Variants in ANKS1B observed in about 807,000 individuals in gnomAD.
The protein encoded by ANKS1B is ankyrin repeat and sterile alpha motif domain-containing protein 1B.
A neutral mutation model predicts 148.3 loss-of-function variants in ANKS1B; 36 were observed. That is an observed-to-expected ratio of 0.24 (90% CI 0.19 to 0.32). The LOEUF is 0.32. Ranked by LOEUF, ANKS1B falls within the 10% of genes least tolerant of loss-of-function variation. ANKS1B has a pLI of 1.00. For missense variants in ANKS1B, 1,157 were observed against 1,542.6 expected (o/e 0.75, Z 4.19); for synonymous variants, 542 against 560.8 (o/e 0.97, Z 0.47).
chr12:99,717,998 G>A (rs1271064579), intron 8 of ANKS1B, among the ~76,000 whole-genome samples: 1 of 146,710 alleles, frequency 6.8e-6, no homozygotes, highest in African/African-American at 2.5e-5. Flanking sequence ...CCGCCTCCCG[G>A]GTTCACGCCA....
At chr12:99,229,346 T>C (rs1047199716) in intron 14 of ANKS1B, among the ~76,000 whole-genome samples, 5 of 151,946 alleles carry the variant, frequency 3.3e-5, no homozygotes, top group African/African-American at 1.2e-4. Context: ...GGTCATTTGA[T>C]TTGATTCTAT....
At chr12:98,998,146 A>G (rs1285951401) in intron 17 of ANKS1B, among the ~76,000 whole-genome samples, 1 of 152,170 alleles carries the variant, frequency 6.6e-6, no homozygotes, top group African/African-American at 2.4e-5. Context: ...TGTGTCTGGC[A>G]CTGTGGGAAT....
In ANKS1B at chr12:99,326,394, C is replaced by T. The variant is rs548448075; in HGVS notation, c.1756+73237G>A. ...AGCTTCACCAGAGAGTACTCCTCCA[C>T]CACAACAATGCTTCAGCTCACTCCT... On this transcript the variant is annotated intron_variant, in intron 12 of 26. Coordinates refer to ENST00000683438, the MANE Select transcript of ANKS1B (RefSeq NM_001352186.2). Among the ~76,000 whole-genome samples the T allele has an allele frequency of 6.6e-5, 10 of 152,176 alleles. No individual in the cohort carries two copies. In the South Asian group the frequency reaches 2.1e-3, roughly 32 times the overall value.
chr12:98,737,210 C>CTCA (rs2097777898), intron 9 of ANKS1B, among the ~76,000 whole-genome samples: 1 of 152,202 alleles, frequency 6.6e-6, no homozygotes, highest in African/African-American at 2.4e-5. Context: ...TTCCAGAGCA[C>CTCA]TCATCTGAAT....
At chr12:99,448,044 G>C (rs1434562822) in intron 10 of ANKS1B, among the ~76,000 whole-genome samples, 1 of 152,012 alleles carries the variant, frequency 6.6e-6, no homozygotes, top group African/African-American at 2.4e-5. Flanking sequence ...ATAGTATGGA[G>C]TTCCTCAAAA....
chr12:99,009,786 C>T (rs2099938191), intron 17 of ANKS1B, among the ~76,000 whole-genome samples: 1 of 151,648 alleles, frequency 6.6e-6, no homozygotes, highest in African/African-American at 2.4e-5. Flanking sequence ...TAATTAGCTC[C>T]CTGGTTCTTA....
intron 14 of ANKS1B, among the ~76,000 whole-genome samples, chr12:99,232,118 A>C (rs2153952867): frequency 6.6e-6 from 1 of 152,272 alleles, no homozygotes; most frequent in South Asian, 2.1e-4. Flanking sequence ...CACTGATTTC[A>C]GAGCTATGTA....
intron 12 of ANKS1B, among the ~76,000 whole-genome samples, chr12:99,267,305 A>T (rs1237524227): frequency 6.6e-6 from 1 of 152,178 alleles, no homozygotes; most frequent in Non-Finnish European, 1.5e-5. Flanking sequence ...AGCCTGACTC[A>T]CAACACAGGG....
At chr12:99,709,521 G>T (rs80171459) in intron 8 of ANKS1B, among the ~76,000 whole-genome samples, 1 of 152,054 alleles carries the variant, frequency 6.6e-6, no homozygotes, top group African/African-American at 2.4e-5. Flanking sequence ...GATGCTGCAG[G>T]TATTAAAAGA....
chr12:98,970,567 T>G (rs1464828556), intron 17 of ANKS1B, among the ~76,000 whole-genome samples: 2 of 152,224 alleles, frequency 1.3e-5, no homozygotes, highest in Non-Finnish European at 2.9e-5. Flanking sequence ...GTGTGTCAAC[T>G]TTTCTGTACT....
chr12:99,898,816 C>T (rs1254144877), intron 1 of ANKS1B, among the ~76,000 whole-genome samples: 2 of 152,206 alleles, frequency 1.3e-5, no homozygotes, highest in South Asian at 4.2e-4. Flanking sequence ...GCCTGAAAGA[C>T]TGTAACAAGA....
chr12:98,808,194 T>G (rs948031053), intron 19 of ANKS1B, among the ~76,000 whole-genome samples: 4 of 152,216 alleles, frequency 2.6e-5, no homozygotes, highest in African/African-American at 9.6e-5. Context: ...GCAAACTGTA[T>G]TTTATATTTG....
chr12:99,969,798 T>C (rs2095536342), intron 1 of ANKS1B, among the ~76,000 whole-genome samples: 1 of 152,190 alleles, frequency 6.6e-6, no homozygotes, highest in Non-Finnish European at 1.5e-5. Flanking sequence ...TACAGCACAA[T>C]TGAAAGATAT....
chr12:99,107,550 A>G (rs1240513276), intron 15 of ANKS1B, among the ~76,000 whole-genome samples: 1 of 152,230 alleles, frequency 6.6e-6, no homozygotes, highest in Non-Finnish European at 1.5e-5. Flanking sequence ...AGTAGAGGAT[A>G]ATGAGAACAG....
intron 11 of ANKS1B, among the ~76,000 whole-genome samples, chr12:99,442,571 T>C (rs2095566760): frequency 6.6e-6 from 1 of 151,916 alleles, no homozygotes; most frequent in Admixed American, 6.6e-5. Context: ...GTGCCAGTGA[T>C]GTTATCTATA....
intron 8 of ANKS1B, among the ~76,000 whole-genome samples, chr12:99,702,579 A>G (rs923959024): frequency 2.0e-4 from 30 of 151,888 alleles, no homozygotes; most frequent in African/African-American, 7.0e-4. Flanking sequence ...GTCTTGCTCT[A>G]TCGCTCAGGC....
At chr12:98,923,502 C>T (rs1344109068) in intron 17 of ANKS1B, among the ~76,000 whole-genome samples, 1 of 152,044 alleles carries the variant, frequency 6.6e-6, no homozygotes, top group Non-Finnish European at 1.5e-5. Context: ...GTTGATGAAC[C>T]CGAAGTTCCC....
chr12:99,913,212 A>T (rs1250639105), intron 1 of ANKS1B, among the ~76,000 whole-genome samples: 1 of 152,232 alleles, frequency 6.6e-6, no homozygotes, highest in Non-Finnish European at 1.5e-5. Context: ...TTACTAATTG[A>T]TATTCTGCCT....
intron 14 of ANKS1B, among the ~76,000 whole-genome samples, chr12:99,228,833 C>T (rs2086374665): frequency 6.6e-6 from 1 of 151,898 alleles, no homozygotes; most frequent in Non-Finnish European, 1.5e-5. Flanking sequence ...CATATATTCA[C>T]AAACAGTATT....
Sources: gnomAD v4.1 joint callset for allele counts (sites outside exome capture counted in the v4.1 genomes callset) on GRCh38, gnomAD v4.1.1 for gene constraint, MANE v1.5 for transcripts, NCBI Gene and HGNC (gene_info 2026-07-23, HGNC 2026-07-21) for gene names.